Variants in SEMA4D observed in about 807,000 individuals in gnomAD.
The protein encoded by SEMA4D is semaphorin-4D.
SEMA4D carries 22 observed loss-of-function variants against 74.8 expected under a neutral mutation model. The observed-to-expected ratio is 0.29, with a 90% CI of 0.21 to 0.42. The LOEUF (loss-of-function observed/expected upper bound fraction) is 0.42, where lower values mean the gene tolerates loss of function less well. Among genes scored for constraint, SEMA4D ranks in the 10% least tolerant of loss-of-function variants. The probability of loss-of-function intolerance (pLI) is 1.00; values close to 1 mark genes in which losing one functional copy is unlikely to be tolerated. For synonymous variants in SEMA4D, 445 were observed against 463.7 expected (o/e 0.96, Z 0.52); for missense variants, 937 against 1,118.4 (o/e 0.84, Z 2.31).
chr9:89,397,671 G>A (rs1362447632), intron 5 of SEMA4D, among the ~76,000 whole-genome samples: 3 of 152,150 alleles, frequency 2.0e-5, no homozygotes, highest in Non-Finnish European at 4.4e-5. Flanking sequence ...CCCGGAAACC[G>A]GAGCTACACT....
chr9:89,438,706 C>T (rs577200000), intron 2 of SEMA4D, among the ~76,000 whole-genome samples: 14 of 152,192 alleles, frequency 9.2e-5, no homozygotes, highest in African/African-American at 2.9e-4. Flanking sequence ...CGCTCTGTCG[C>T]CCAGGCTGGA....
chr9:89,440,217 C>T (rs1293084442), intron 2 of SEMA4D, among the ~76,000 whole-genome samples: 1 of 152,152 alleles, frequency 6.6e-6, no homozygotes, highest in Non-Finnish European at 1.5e-5. Flanking sequence ...GCCCCACAGA[C>T]CCAGTTGAGG....
chr9:89,391,821 C>T (rs1366490480), intron 8 of SEMA4D, among the ~76,000 whole-genome samples: 1 of 152,224 alleles, frequency 6.6e-6, no homozygotes, highest in Non-Finnish European at 1.5e-5. Context: ...ACCACCAGAT[C>T]CTGCCCCACC....
intron 1 of SEMA4D, among the ~76,000 whole-genome samples, chr9:89,462,016 G>T (rs1857382469): frequency 6.6e-6 from 1 of 151,954 alleles, no homozygotes; most frequent in Non-Finnish European, 1.5e-5. Context: ...TATATTTCTT[G>T]AACAACAAAT....
chr9:89,462,041 C>A (rs951826283), intron 1 of SEMA4D, among the ~76,000 whole-genome samples: 1 of 152,058 alleles, frequency 6.6e-6, no homozygotes, highest in African/African-American at 2.4e-5. Flanking sequence ...AATTTTAAGG[C>A]TAGGATGAGT....
intron 2 of SEMA4D, among the ~76,000 whole-genome samples, chr9:89,427,584 C>T (rs1848364605): frequency 6.6e-6 from 1 of 152,222 alleles, no homozygotes; most frequent in African/African-American, 2.4e-5. Flanking sequence ...CCCTGCACTG[C>T]TAAAAGGAAC....
chr9:89,480,659 G>A lies in SEMA4D; in HGVS notation c.-310+17260C>T, dbSNP rs953409799. Among the ~76,000 whole-genome samples, 12 of 152,202 alleles carry A rather than the reference G, an allele frequency of 7.9e-5. No individual in the cohort carries two copies. In the South Asian group the frequency reaches 1.0e-3, roughly 13 times the overall value. ...GTACACCCTCCGCAGCCACTGGCCC[G>A]GGTGCTAAGTCCCCCATTGCCCGGG... On this transcript the variant is annotated intron_variant, in intron 1 of 15. Coordinates refer to ENST00000422704, the MANE Select transcript of SEMA4D (RefSeq NM_001371194.2).
intron 11 of SEMA4D, 82 bp downstream of exon 11, chr9:89,388,554 A>G: frequency 1.3e-6 from 2 of 1,502,090 alleles, no homozygotes; most frequent in Non-Finnish European, 1.8e-6. Flanking sequence ...CCAGCCCATG[A>G]GCAGGCCCCA....
At chr9:89,425,130 GC>G (rs1490654502) in intron 2 of SEMA4D, among the ~76,000 whole-genome samples, 2 of 152,186 alleles carry the variant, frequency 1.3e-5, no homozygotes, top group African/African-American at 4.8e-5. Flanking sequence ...TTTTAGAGCA[GC>G]CCATGTAACT....
At chr9:89,487,599 T>G (rs1427970241) in intron 1 of SEMA4D, among the ~76,000 whole-genome samples, 1 of 152,158 alleles carries the variant, frequency 6.6e-6, no homozygotes, top group African/African-American at 2.4e-5. Context: ...TTATTCATAA[T>G]CATCAGAATT....
intron 1 of SEMA4D, among the ~76,000 whole-genome samples, chr9:89,478,293 T>G (rs1364480538): frequency 6.6e-6 from 1 of 152,168 alleles, no homozygotes; most frequent in East Asian, 1.9e-4. Flanking sequence ...AGTGCCCTTA[T>G]AGATACACTC....
Position 89,411,963 on chromosome 9 carries a change from G to A in SEMA4D, c.-243-6264C>T, listed in dbSNP as rs1269715268. Among the ~76,000 whole-genome samples, 10 of 152,088 alleles carry A rather than the reference G, an allele frequency of 6.6e-5. No individual in the cohort carries two copies. The East Asian group carries it at 1.2e-3, about 18-fold the overall frequency. On this transcript the variant is annotated intron_variant, in intron 2 of 15. Coordinates refer to ENST00000422704, the MANE Select transcript of SEMA4D (RefSeq NM_001371194.2). ...CCCCTCCCTCCGATGCACCCCACCCGTCTCAGGCTGCCTTGCAGCCTTGGC... is the reference window on the plus strand; with the variant it reads ...CCCCTCCCTCCGATGCACCCCACCCATCTCAGGCTGCCTTGCAGCCTTGGC...
intron 1 of SEMA4D, among the ~76,000 whole-genome samples, chr9:89,491,898 C>T (rs34544762): frequency 0.17 from 26,085 of 152,188 alleles, 2,952 homozygotes; most frequent in Non-Finnish European, 0.25. Flanking sequence ...CAGCACACAC[C>T]GAGAGTCAAC....
intron 1 of SEMA4D, among the ~76,000 whole-genome samples, chr9:89,457,245 T>G (rs28473377): frequency 0.93 from 141,419 of 152,190 alleles, 66,201 homozygotes; most frequent in Non-Finnish European, 1. Flanking sequence ...GCCTGACAGG[T>G]GGGGAGCAGA....
rs1231899070 is a variant in SEMA4D, at chr9:89,468,591, C to T, written c.-309-12638G>A. Among the ~76,000 whole-genome samples the T allele has an allele frequency of 5.3e-5, 8 of 152,148 alleles. 1 individual carries two copies. The highest frequency in any genetic ancestry group is 5.2e-4 in the Admixed American group (8 of 15,280). On this transcript the variant is annotated intron_variant, in intron 1 of 15. Coordinates refer to ENST00000422704, the MANE Select transcript of SEMA4D (RefSeq NM_001371194.2). ...GTTTTTCAAACAGGCTAATTTGTGG[C>T]CTTTATTGGAAATAAACAAAACATA...
chr9:89,395,286 G>T (rs766183939), intron 6 of SEMA4D, among the ~76,000 whole-genome samples: 1 of 152,032 alleles, frequency 6.6e-6, no homozygotes, highest in Non-Finnish European at 1.5e-5. Context: ...TTAGCCAGAC[G>T]TGGTGGCACA....
intron 2 of SEMA4D, among the ~76,000 whole-genome samples, chr9:89,445,589 A>C (rs867077657): frequency 3.3e-5 from 5 of 152,180 alleles, no homozygotes; most frequent in South Asian, 2.1e-4. Context: ...CCAGAGAAGC[A>C]GAACCAATAG....
rs1845908199 is a variant in SEMA4D, at chr9:89,417,217, T to C, written c.-243-11518A>G. On this transcript the variant is annotated intron_variant, in intron 2 of 15. Transcript: ENST00000422704. ...AAAAGAAACCAGCAAAAAATACTTG[T>C]AAGACAAGTGCCAATTCCTAATAAA... 1.3e-5 allele frequency among the ~76,000 whole-genome samples: 2 copies of C among 152,214 alleles called. 1 individual carries two copies. The highest frequency in any genetic ancestry group is 1.3e-4 in the Admixed American group (2 of 15,276).
chr9:89,412,583 G>A (rs62547238), intron 2 of SEMA4D, among the ~76,000 whole-genome samples: 35,411 of 152,140 alleles, frequency 0.23, 4,474 homozygotes, highest in Non-Finnish European at 0.28. Flanking sequence ...TGGCTTCCAG[G>A]CCCTGCCCTG....
Sources: gnomAD v4.1 joint callset for allele counts (sites outside exome capture counted in the v4.1 genomes callset) on GRCh38, gnomAD v4.1.1 for gene constraint, MANE v1.5 for transcripts, NCBI Gene and HGNC (gene_info 2026-07-23, HGNC 2026-07-21) for gene names.